Variants in MMS22L observed in about 807,000 individuals in gnomAD.
MMS22L encodes MMS22 like, DNA repair protein.
A neutral mutation model predicts 159.1 loss-of-function variants in MMS22L; 74 were observed. That is an observed-to-expected ratio of 0.47 (90% CI 0.39 to 0.56). MMS22L has a LOEUF of 0.56. Among genes scored for constraint, MMS22L ranks in the 20% least tolerant of loss-of-function variants. The probability of loss-of-function intolerance (pLI) is 0.00; values close to 1 mark genes in which losing one functional copy is unlikely to be tolerated. For synonymous variants in MMS22L, 517 were observed against 506.9 expected, an observed-to-expected ratio of 1.02 and a Z score of -0.27; for missense variants, 1,351 against 1,422.1, an observed-to-expected ratio of 0.95 and a Z score of 0.80.
chr6:97,270,168 A>C, intron 6 of MMS22L, 176 bp from the exon 7 acceptor site: 1 of 645,252 alleles, frequency 1.5e-6, no homozygotes, highest in Non-Finnish European at 2.8e-6. Context: ...TTCACTGAAG[A>C]TCTTTGAAAG....
chr6:97,201,733 CAA>C (rs1807190289), intron 14 of MMS22L, among the ~76,000 whole-genome samples: 1 of 152,140 alleles, frequency 6.6e-6, no homozygotes, highest in Admixed American at 6.5e-5. Flanking sequence ...GATGATTGAG[CAA>C]AAAGAGTTTA....
At chr6:97,250,031 A>C (rs1256691166) in intron 10 of MMS22L, among the ~76,000 whole-genome samples, 1 of 152,224 alleles carries the variant, frequency 6.6e-6, no homozygotes, top group African/African-American at 2.4e-5. Context: ...TGTAATTCAA[A>C]GAAAAGAATG....
intron 21 of MMS22L, among the ~76,000 whole-genome samples, chr6:97,164,170 T>C (rs1363924418): frequency 6.6e-6 from 1 of 151,580 alleles, no homozygotes; most frequent in Non-Finnish European, 1.5e-5. Flanking sequence ...GAGGACAGGA[T>C]TGCCAAAGGA....
intron 14 of MMS22L, among the ~76,000 whole-genome samples, chr6:97,189,333 G>A (rs1805605019): frequency 6.6e-6 from 1 of 150,960 alleles, no homozygotes; most frequent in Non-Finnish European, 1.5e-5. Context: ...GCTGAGGTGG[G>A]TGGATTGCCT....
At chr6:97,155,528 T>C (rs1801747141) in intron 22 of MMS22L, among the ~76,000 whole-genome samples, 1 of 152,148 alleles carries the variant, frequency 6.6e-6, no homozygotes, top group Non-Finnish European at 1.5e-5. Flanking sequence ...GTGTACTCAT[T>C]GTTCAACTCC....
chr6:97,215,586 C>T (rs1024895070), intron 14 of MMS22L, among the ~76,000 whole-genome samples: 2 of 152,104 alleles, frequency 1.3e-5, no homozygotes, highest in Non-Finnish European at 2.9e-5. Flanking sequence ...CAATTTAGAT[C>T]CAATCAGCCC....
At chr6:97,271,520 G>A (rs916202825) in intron 6 of MMS22L, 6 of 151,958 alleles carry the variant, frequency 3.9e-5, no homozygotes, top group Non-Finnish European at 7.4e-5. Flanking sequence ...ATTAAATGAC[G>A]TAATTAAAAG....
intron 22 of MMS22L, among the ~76,000 whole-genome samples, 161 bp downstream of exon 22, chr6:97,161,841 A>C (rs1240034279): frequency 2.6e-5 from 4 of 152,002 alleles, no homozygotes; most frequent in African/African-American, 9.7e-5. Flanking sequence ...TATCATACCT[A>C]ATCTGAGCTG....
At chr6:97,279,505 T>C (rs1437769997) in intron 3 of MMS22L, among the ~76,000 whole-genome samples, 1 of 147,986 alleles carries the variant, frequency 6.8e-6, no homozygotes, top group East Asian at 2.0e-4. Flanking sequence ...AAGTTTAAGA[T>C]GGGGTGCAGT....
In MMS22L at chr6:97,179,687, A is replaced by G. The variant is rs548816835; in HGVS notation, c.2385-128T>C. 7.2e-6 allele frequency: 5 copies of G among 694,840 alleles called. No individual in the cohort carries two copies. In the Admixed American group the frequency reaches 1.8e-4, roughly 25 times the overall value. The allele number at this position is 694,840 out of a possible 1,614,324, so 43.0% of individuals were successfully genotyped here. On this transcript the variant is annotated intron_variant, in intron 16 of 24. Transcript: ENST00000683635. ...CCTCATTGATTTTTCAGACAAACAC[A>G]CTAACGTAGGCATGCATTGTTGAAA... is the stretch of plus-strand genomic sequence containing the variant.
At chr6:97,219,089 T>C (rs1297253977) in intron 14 of MMS22L, among the ~76,000 whole-genome samples, 1 of 152,152 alleles carries the variant, frequency 6.6e-6, no homozygotes, top group African/African-American at 2.4e-5. Context: ...CCTCTGTCCA[T>C]TGACACATGG....
chr6:97,196,305 T>C (rs532071650), intron 14 of MMS22L, among the ~76,000 whole-genome samples: 42 of 152,274 alleles, frequency 2.8e-4, no homozygotes, highest in African/African-American at 9.6e-4. Flanking sequence ...AGAAGTCATA[T>C]TAGTTAATTA....
chr6:97,268,648 ATT>A (rs1357051950), intron 7 of MMS22L, among the ~76,000 whole-genome samples: 1 of 150,358 alleles, frequency 6.7e-6, no homozygotes, highest in East Asian at 1.9e-4. Context: ...TTAAAACATT[ATT>A]TTTTTAACAA....
intron 14 of MMS22L, among the ~76,000 whole-genome samples, chr6:97,217,827 T>C (rs1194920898): frequency 6.6e-6 from 1 of 152,180 alleles, no homozygotes; most frequent in African/African-American, 2.4e-5. Flanking sequence ...AATAGGCCCT[T>C]TCATTACAGA....
At chr6:97,242,503 G>A (rs911893444) in intron 11 of MMS22L, among the ~76,000 whole-genome samples, 1 of 152,120 alleles carries the variant, frequency 6.6e-6, no homozygotes, top group African/African-American at 2.4e-5. Flanking sequence ...TAAGTCTCTT[G>A]GAGACAGCAG....
Position 97,143,262 on chromosome 6 carries a change from G to C in MMS22L, c.*3544C>G, listed in dbSNP as rs2128228189. 6.6e-6 allele frequency: 1 copy of C among 152,158 alleles called. No individual in the cohort carries two copies. 9.4% of individuals were successfully genotyped at this position (152,158 alleles called of 1,614,324 possible). On this transcript the variant is annotated 3_prime_UTR_variant, in exon 25 of 25. Transcript: ENST00000683635. ...ATTTAAGTGTCTTCAATTTCTATAG[G>C]AAAGAGGTCCTATACAGTTTCCATG... is the stretch of plus-strand genomic sequence containing the variant.
intron 14 of MMS22L, among the ~76,000 whole-genome samples, chr6:97,187,787 C>T (rs1027289918): frequency 2.6e-5 from 4 of 152,060 alleles, no homozygotes; most frequent in African/African-American, 9.7e-5. Flanking sequence ...AGCAATCCCA[C>T]AAAAAGATCA....
chr6:97,237,822 G>A (rs1389605741), intron 11 of MMS22L, among the ~76,000 whole-genome samples: 1 of 152,032 alleles, frequency 6.6e-6, no homozygotes, highest in Non-Finnish European at 1.5e-5. Context: ...CTAGATCCAG[G>A]TTCATATTGA....
chr6:97,252,012 G>A (rs1044740164), intron 10 of MMS22L, among the ~76,000 whole-genome samples: 4 of 152,054 alleles, frequency 2.6e-5, no homozygotes, highest in Admixed American at 2.0e-4. Flanking sequence ...GAACCCGGGA[G>A]GCGGAGCTTG....
Sources: gnomAD v4.1 joint callset for allele counts (sites outside exome capture counted in the v4.1 genomes callset) on GRCh38, gnomAD v4.1.1 for gene constraint, MANE v1.5 for transcripts, NCBI Gene and HGNC (gene_info 2026-07-23, HGNC 2026-07-21) for gene names.